The following RPAP1 variants were observed in gnomAD, a reference collection of about 807,000 sequenced individuals.
The protein encoded by RPAP1 is RNA polymerase II associated protein 1.
A neutral mutation model predicts 142.4 loss-of-function variants in RPAP1; 109 were observed. The observed-to-expected ratio is 0.77, with a 90% confidence interval of 0.66 to 0.90. The LOEUF is 0.90. Ranked by LOEUF, RPAP1 falls within the 40% of genes least tolerant of loss-of-function variation. The probability of loss-of-function intolerance (pLI) is 0.00; values close to 1 mark genes in which losing one functional copy is unlikely to be tolerated. For synonymous variants in RPAP1, 704 were observed against 738.9 expected, an observed-to-expected ratio of 0.95 and a Z score of 0.77; for missense variants, 1,546 against 1,751.7, an observed-to-expected ratio of 0.88 and a Z score of 2.10.
At position 41,523,245 on chromosome 15, in the gene RPAP1, C is replaced by A. The variant is rs756942769; in HGVS notation, c.2546G>T (p.Arg849Met). 4 of 1,587,534 alleles carry A rather than the reference C, an allele frequency of 2.5e-6. No homozygotes were observed. The highest frequency in any genetic ancestry group is 1.1e-5 in the South Asian group (1 of 88,020). ...CCCAGCTACCAAACACAGTACATACCTAAGGGAATCCCACAGGCTGCCCAG... is the reference window on the plus strand; with the variant it reads ...CCCAGCTACCAAACACAGTACATACATAAGGGAATCCCACAGGCTGCCCAG... Reference protein sequence around the residue: ...PTLGSLWDSLRHCSLLCNPLS... With the variant: ...PTLGSLWDSLMHCSLLCNPLS... Residue 849 changes from arginine (R) to methionine (M), a missense_variant and splice_region_variant, in exon 18 of 25, where the codon AGG becomes ATG. By Grantham distance (91) the Arg-to-Met change is moderately conservative (BLOSUM62 -1). Around this residue, in one of 3 missense-constraint regions of RPAP1, gnomAD observed 1,333 missense variants for 1,486.6 expected, o/e 0.90. Transcript: ENST00000304330.
chr15:41,525,229 T>G, intron 14 of RPAP1, 81 bp from the exon 15 acceptor site: 2 of 1,314,606 alleles, frequency 1.5e-6, no homozygotes, highest in Non-Finnish European at 2.1e-6. Flanking sequence ...GAGAGTGGCT[T>G]AACTCAACCC....
chr15:41,524,413 T>C (rs982457432), intron 15 of RPAP1, among the ~76,000 whole-genome samples, 159 bp from the exon 16 acceptor site: 2 of 151,510 alleles, frequency 1.3e-5, no homozygotes, highest in Admixed American at 1.3e-4. Flanking sequence ...ATGGAAAGGA[T>C]GTTGTCCTTC....
chr15:41,521,766 T>TTA lies in RPAP1; in HGVS notation c.3009_3010insTA (p.Ser1004Ter). ...AGGAACTCCAGCCGGAATACACAGC[T>TTA]CAGCAGCAGCTCATGGGTGAGGTAC... On this transcript the variant is annotated frameshift_variant, in exon 21 of 25. Coordinates refer to ENST00000304330, the MANE Select transcript of RPAP1 (RefSeq NM_015540.4). LOFTEE classifies it high-confidence loss of function. The TTA allele has an allele frequency of 6.2e-7, 1 of 1,614,124 alleles. No individual in the cohort carries two copies. Among genetic ancestry groups the TTA allele is most frequent in the Non-Finnish European group, 8.5e-7 (1 of 1,180,032 alleles).
intron 20 of RPAP1, 34 bp from the exon 21 acceptor site, chr15:41,521,914 A>G (rs1297710898): frequency 2.5e-6 from 4 of 1,606,032 alleles, no homozygotes; most frequent in East Asian, 2.2e-5. Flanking sequence ...TACCTAGTAC[A>G]GGAGAAGGGG....
intron 6 of RPAP1, among the ~76,000 whole-genome samples, chr15:41,532,944 ACTCCACCCAG>A (rs1177526502): frequency 9.2e-5 from 12 of 130,798 alleles, no homozygotes; most frequent in African/African-American, 2.6e-4. Context: ...GTGTCACTGT[ACTCCACCCAG>A]GACAACAGAG....
In RPAP1 at chr15:41,520,500, C is replaced by G; in HGVS notation, c.3686G>C (p.Gly1229Ala). ...EAVSFGDHLF[G>A]ALVLLPLQRR... Reference sequence around the variant, plus strand: ...CTGCAGGGGCAGGAGGACCAGGGCCCCAAAGAGGTGGTCCCCAAAAGAGAC... The same window carrying G: ...CTGCAGGGGCAGGAGGACCAGGGCCGCAAAGAGGTGGTCCCCAAAAGAGAC... Residue 1229 changes from glycine to alanine, a missense_variant, in exon 22 of 25, where the codon GGG (glycine) becomes GCG (alanine). By Grantham distance (60) the Gly-to-Ala change is moderately conservative. This residue lies in a region of RPAP1 where 210 missense variants were observed against 248.0 expected (regional missense o/e 0.85). Coordinates refer to ENST00000304330, the MANE Select transcript of RPAP1 (RefSeq NM_015540.4). The G allele has an allele frequency of 1.9e-6, 3 of 1,614,048 alleles. No homozygotes were observed. Among genetic ancestry groups the G allele is most frequent in the Non-Finnish European group, 2.5e-6 (3 of 1,179,974 alleles).
In RPAP1 at chr15:41,529,953, T is replaced by G. The variant is rs2051831987; in HGVS notation, c.970A>C (p.Lys324Gln). Reference sequence around the variant, plus strand: ...ACAGTGTCCATGTGCAGCCATTCTTTCTGAGGGGTCACGGGCAATGCCAGA... The same window carrying G: ...ACAGTGTCCATGTGCAGCCATTCTTGCTGAGGGGTCACGGGCAATGCCAGA... ...PALALPVTPQ[K>Q]EWLHMDTVEL... The change falls in exon 8 of 25, where the codon AAA (lysine) becomes CAA (glutamine). Residue 324 changes from lysine to glutamine, a missense_variant. This residue lies in a region of RPAP1 where 1,333 missense variants were observed against 1,486.6 expected (regional missense o/e 0.90). Transcript: ENST00000304330. 5 of 1,614,156 alleles carry G rather than the reference T, an allele frequency of 3.1e-6. No homozygotes were observed. Among genetic ancestry groups the G allele is most frequent in the Non-Finnish European group, 4.2e-6 (5 of 1,180,012 alleles).
At position 41,520,438 on chromosome 15, in the gene RPAP1, CAA is replaced by C; in HGVS notation, c.3746_3747del (p.Phe1249TrpfsTer29). On this transcript the variant is annotated frameshift_variant, in exon 22 of 25. Coordinates refer to ENST00000304330, the MANE Select transcript of RPAP1 (RefSeq NM_015540.4). LOFTEE classifies it high-confidence loss of function. ...RFSVTLRLAL[F>X]GEHVGALRAL... is the part of the protein sequence containing the mutation. Reference sequence around the variant, plus strand: ...GCTCGCAAGGCTCCCACGTGTTCCCCAAAGAGGGCAAGGCGCAAGGTGACACT... The same window carrying C: ...GCTCGCAAGGCTCCCACGTGTTCCCCAGAGGGCAAGGCGCAAGGTGACACT... 6.2e-7 allele frequency: 1 copy of C among 1,613,730 alleles called. No homozygotes were observed. The highest frequency in any genetic ancestry group is 8.5e-7 in the Non-Finnish European group (1 of 1,179,722).
Position 41,523,899 on chromosome 15 carries a change from G to A in RPAP1, c.2308C>T (p.Leu770Phe). 6.2e-7 allele frequency: 1 copy of A among 1,608,262 alleles called. No individual in the cohort carries two copies. Among genetic ancestry groups the A allele is most frequent in the Non-Finnish European group, 8.5e-7 (1 of 1,177,118 alleles). Residue 770 changes from leucine (L) to phenylalanine (F), a missense_variant, in exon 17 of 25, where the codon CTT (leucine) becomes TTT (phenylalanine). Coordinates refer to ENST00000304330, the MANE Select transcript of RPAP1 (RefSeq NM_015540.4). ...TWTQVSGLQPLVEPCLRQTLK... is the reference protein window; with the variant it reads ...TWTQVSGLQPFVEPCLRQTLK... ...GTCTGCCTTAGACACGGCTCAACAA[G>A]AGGCTGGAGCCCAGACACCTGTGTC...
In RPAP1 at chr15:41,527,233, C is replaced by G. The variant is rs779340810; in HGVS notation, c.1680G>C (p.Ala560=). 1 of 1,614,074 alleles carries G rather than the reference C, an allele frequency of 6.2e-7. No individual in the cohort carries two copies. The highest frequency in any genetic ancestry group is 1.3e-5 in the African/African-American group (1 of 74,916). Residue 560 remains alanine (A), a synonymous_variant, in exon 13 of 25, where the codon GCG becomes GCC. Transcript: ENST00000304330. ...GCACAGCCAGGATGTCAAGGACCAC[C>G]GCAGGTCCTGGGTATGTCACCTCCA... is the stretch of plus-strand genomic sequence containing the variant. The part of the protein sequence containing the change: ...YVLEVTYPGP[A]VVLDILAVLI...
intron 21 of RPAP1, 91 bp downstream of exon 21, chr15:41,521,647 A>G (rs777541107): frequency 1.9e-5 from 27 of 1,410,776 alleles, no homozygotes; most frequent in African/African-American, 2.9e-5. Context: ...AAGAGAATTT[A>G]GGTCTCCTGG....
At chr15:41,523,652 G>A (rs1232940299) in intron 17 of RPAP1, 119 bp downstream of exon 17, 9 of 904,366 alleles carry the variant, frequency 1.0e-5, no homozygotes, top group Admixed American at 2.1e-5. Context: ...GAATTAAAAG[G>A]GAAGATAGTA....
intron 17 of RPAP1, 54 bp downstream of exon 17, chr15:41,523,717 G>A: frequency 6.8e-7 from 1 of 1,461,590 alleles, no homozygotes; most frequent in Non-Finnish European, 9.3e-7. Context: ...CGGGTGGAAT[G>A]TAGCTGAAGG....
Position 41,522,093 on chromosome 15 carries a change from C to A in RPAP1, c.2895+5G>T. ...CAGGAGAACCTGTCAGACAGGGGGA[C>A]CTACCGCTTTCTGGGCCAGAGCGAG... On this transcript the variant is annotated splice_donor_5th_base_variant and intron_variant, in intron 20 of 24. Transcript: ENST00000304330. The A allele has an allele frequency of 6.2e-7, 1 of 1,612,782 alleles. No individual in the cohort carries two copies. Among genetic ancestry groups the A allele is most frequent in the Non-Finnish European group, 8.5e-7 (1 of 1,179,564 alleles).
chr15:41,521,496 T>C (rs927675882), intron 21 of RPAP1, among the ~76,000 whole-genome samples: 1 of 152,240 alleles, frequency 6.6e-6, no homozygotes, highest in African/African-American at 2.4e-5. Flanking sequence ...ATTACATGTG[T>C]GTAACTGATT....
chr15:41,524,473 CTTT>C (rs397956859), intron 15 of RPAP1, among the ~76,000 whole-genome samples: 1 of 127,948 alleles, frequency 7.8e-6, no homozygotes. Context: ...GATACCAATG[CTTT>C]TTTTTTTTTT....
At position 41,522,225 on chromosome 15, in the gene RPAP1, C is replaced by T. The variant is rs535035885; in HGVS notation, c.2768G>A (p.Gly923Glu). The change falls in exon 20 of 25, where the codon GGA (glycine) becomes GAA (glutamate). Residue 923 changes from glycine to glutamate, a missense_variant. Transcript: ENST00000304330. ...ACACTGGAGGAAGTAATTCTGGAGT[C>T]CCGGGGCAGCCAATATGGCAGCCAG... ...GQLAAILAAP[G>E]LQNYFLQCVA... The T allele has an allele frequency of 4.3e-6, 7 of 1,613,648 alleles. No homozygotes were observed. In the South Asian group the frequency reaches 7.7e-5, roughly 18 times the overall value.
At chr15:41,539,065 T>C (rs935556763) in intron 1 of RPAP1, among the ~76,000 whole-genome samples, 1 of 152,132 alleles carries the variant, frequency 6.6e-6, no homozygotes, top group African/African-American at 2.4e-5. Context: ...TTTGGAGTAA[T>C]GAAAATGTTC....
At chr15:41,520,237 G>A (rs973365591) in intron 22 of RPAP1, 154 bp downstream of exon 22, 7 of 829,254 alleles carry the variant, frequency 8.4e-6, no homozygotes, top group Non-Finnish European at 1.1e-5. Context: ...CCCAGCCCAT[G>A]TTAAGCCCTT....
Sources: gnomAD v4.1 joint callset for allele counts (sites outside exome capture counted in the v4.1 genomes callset) on GRCh38, gnomAD v4.1.1 for gene constraint, gnomAD v4.1.1 regional missense constraint, MANE v1.5 for transcripts, NCBI Gene and HGNC (gene_info 2026-07-23, HGNC 2026-07-21) for gene names.